RETREG1: variants seen among roughly 807,000 people sequenced by gnomAD.
The protein encoded by RETREG1 is family with sequence similarity 134 member B.
Under a neutral mutation model 54.8 loss-of-function variants are expected in RETREG1, and 44 were observed. That is an observed-to-expected ratio of 0.80 (90% CI 0.63 to 1.03). The LOEUF (loss-of-function observed/expected upper bound fraction) is 1.03, where lower values mean the gene tolerates loss of function less well. Ranked by LOEUF, RETREG1 falls within the 50% of genes least tolerant of loss-of-function variation. RETREG1 has a pLI of 0.00. For synonymous variants in RETREG1, 217 were observed against 238.5 expected (o/e 0.91, Z 0.83); for missense variants, 554 against 605.1 (o/e 0.92, Z 0.89).
chr5:16,523,665 C>T (rs539464929), intron 3 of RETREG1, among the ~76,000 whole-genome samples: 11 of 152,102 alleles, frequency 7.2e-5, no homozygotes, highest in Non-Finnish European at 1.3e-4. Flanking sequence ...ATCCAATCCA[C>T]GCTCAAAGAG....
intron 3 of RETREG1, among the ~76,000 whole-genome samples, chr5:16,515,622 TAGA>T (rs986430427): frequency 6.6e-6 from 1 of 152,130 alleles, no homozygotes; most frequent in Non-Finnish European, 1.5e-5. Context: ...GGAAGTAAGT[TAGA>T]AGAAGGTAGT....
intron 1 of RETREG1, among the ~76,000 whole-genome samples, chr5:16,610,709 T>C (rs565126972): frequency 1.2e-4 from 18 of 152,134 alleles, no homozygotes; most frequent in African/African-American, 4.1e-4. Context: ...CAATGAGATA[T>C]CATCTCACAC....
chr5:16,523,240 TTTTTG>T (rs1346510980), intron 3 of RETREG1, among the ~76,000 whole-genome samples: 1 of 151,914 alleles, frequency 6.6e-6, no homozygotes, highest in Admixed American at 6.6e-5. Context: ...CTTTGCTAGG[TTTTTG>T]TTTTGTTTTG....
chr5:16,591,518 CAAAAG>C (rs1742773928), intron 1 of RETREG1, among the ~76,000 whole-genome samples: 1 of 152,064 alleles, frequency 6.6e-6, no homozygotes, highest in Admixed American at 6.5e-5. Context: ...ACAGGAGGAA[CAAAAG>C]AAAAGGTGAT....
intron 3 of RETREG1, among the ~76,000 whole-genome samples, chr5:16,558,247 G>A (rs1237576364): frequency 2.0e-5 from 3 of 151,958 alleles, no homozygotes; most frequent in Admixed American, 6.6e-5. Context: ...GTGACAGAGC[G>A]AGACTCTGTC....
chr5:16,565,951 T>C (rs995898737), intron 2 of RETREG1, among the ~76,000 whole-genome samples, 158 bp from the exon 3 acceptor site: 5 of 152,246 alleles, frequency 3.3e-5, no homozygotes, highest in Non-Finnish European at 5.9e-5. Flanking sequence ...GCTGGCACCA[T>C]GGCTAATTCA....
intron 3 of RETREG1, among the ~76,000 whole-genome samples, chr5:16,492,770 T>C (rs1423662362): frequency 6.6e-6 from 1 of 152,204 alleles, no homozygotes; most frequent in African/African-American, 2.4e-5. Context: ...GGTGCTTGCA[T>C]ATGACTGTAT....
At chr5:16,579,482 T>G (rs894265769) in intron 1 of RETREG1, among the ~76,000 whole-genome samples, 1 of 152,210 alleles carries the variant, frequency 6.6e-6, no homozygotes, top group African/African-American at 2.4e-5. Flanking sequence ...TTTTCTTTTT[T>G]TATATATTTT....
rs73045917 is a variant in RETREG1, at chr5:16,533,665, C to G, written c.458+32098G>C. Among the ~76,000 whole-genome samples, 433 of 152,170 alleles carry G rather than the reference C, an allele frequency of 2.8e-3. 5 individuals carry two copies. The highest frequency in any genetic ancestry group is 1.0e-2 in the African/African-American group (414 of 41,510). ...CAGTACCCACAAGGGTTCCTGGTGG[C>G]AAATAAGACTGACTCTGGCTGGTTC... On this transcript the variant is annotated intron_variant, in intron 3 of 8. Transcript: ENST00000306320.
At chr5:16,576,554 C>G (rs1365470722) in intron 1 of RETREG1, among the ~76,000 whole-genome samples, 1 of 151,946 alleles carries the variant, frequency 6.6e-6, no homozygotes, top group Non-Finnish European at 1.5e-5. Context: ...GGCACGATCT[C>G]GGCTCACCGC....
chr5:16,537,053 T>A (rs1047103050), intron 3 of RETREG1, among the ~76,000 whole-genome samples: 9 of 152,172 alleles, frequency 5.9e-5, no homozygotes, highest in African/African-American at 2.2e-4. Flanking sequence ...AATCCCACCC[T>A]GCCTGCCTCC....
At chr5:16,528,263 G>A (rs1740784262) in intron 3 of RETREG1, among the ~76,000 whole-genome samples, 1 of 152,132 alleles carries the variant, frequency 6.6e-6, no homozygotes, top group Non-Finnish European at 1.5e-5. Flanking sequence ...AACATATTAT[G>A]TAAATAAGAT....
intron 4 of RETREG1, among the ~76,000 whole-genome samples, chr5:16,482,827 G>T (rs1738839774): frequency 6.6e-6 from 1 of 152,016 alleles, no homozygotes. Context: ...CCCCTCATGG[G>T]TTTTATCTTA....
chr5:16,570,778 A>G (rs1451018812), intron 2 of RETREG1, among the ~76,000 whole-genome samples: 1 of 152,196 alleles, frequency 6.6e-6, no homozygotes, highest in African/African-American at 2.4e-5. Flanking sequence ...TGTGGTAAAC[A>G]AGTATCACAA....
intron 3 of RETREG1, among the ~76,000 whole-genome samples, chr5:16,530,646 G>A (rs1348387502): frequency 2.0e-5 from 3 of 152,190 alleles, no homozygotes; most frequent in Admixed American, 6.5e-5. Context: ...GCCGAGATGA[G>A]TGGATCACCT....
intron 3 of RETREG1, among the ~76,000 whole-genome samples, chr5:16,489,082 C>CAAAAAAAAAA (rs567475517): frequency 3.2e-5 from 2 of 62,932 alleles, no homozygotes; most frequent in Non-Finnish European, 5.7e-5. Flanking sequence ...GATTCTGTCT[C>CAAAAAAAAAA]AAAAAAAAAA....
chr5:16,598,858 T>G (rs1230344110), intron 1 of RETREG1, among the ~76,000 whole-genome samples: 1 of 152,156 alleles, frequency 6.6e-6, no homozygotes, highest in Non-Finnish European at 1.5e-5. Flanking sequence ...CTGGGGCATT[T>G]CATTCACAAA....
intron 3 of RETREG1, among the ~76,000 whole-genome samples, chr5:16,535,812 C>T (rs113225477): frequency 2.3e-5 from 3 of 128,338 alleles, no homozygotes; most frequent in African/African-American, 6.2e-5. Context: ...CCTGTGTGCA[C>T]GCTGCCTTCA....
chr5:16,533,782 A>G (rs761893930), intron 3 of RETREG1, among the ~76,000 whole-genome samples: 2 of 152,216 alleles, frequency 1.3e-5, no homozygotes. Flanking sequence ...CACAGAACTT[A>G]TCTACCAGAA....
Sources: allele counts gnomAD v4.1 joint callset (sites outside exome capture counted in the v4.1 genomes callset), GRCh38; gene constraint gnomAD v4.1.1; transcripts MANE v1.5; gene names NCBI Gene and HGNC (gene_info 2026-07-23, HGNC 2026-07-21).